ZDHHC21: variants seen among roughly 807,000 people sequenced by gnomAD.
ZDHHC21 encodes zDHHC palmitoyltransferase 21, also known as palmitoyltransferase ZDHHC21.
Under a neutral mutation model 34.6 loss-of-function variants are expected in ZDHHC21, and 15 were observed. That is an observed-to-expected ratio of 0.43 (90% confidence interval 0.29 to 0.67). The LOEUF (loss-of-function observed/expected upper bound fraction) is 0.67. Ranked by LOEUF, ZDHHC21 falls within the 30% of genes least tolerant of loss-of-function variation. ZDHHC21 has a pLI of 0.14. For missense variants in ZDHHC21, 344 were observed against 327.7 expected (o/e 1.05, Z -0.38); for synonymous variants, 142 against 101.8 (o/e 1.40, Z -2.38).
At chr9:14,629,691 T>C (rs1826979476) in intron 8 of ZDHHC21, among the ~76,000 whole-genome samples, 1 of 151,934 alleles carries the variant, frequency 6.6e-6, no homozygotes, top group East Asian at 1.9e-4. Context: ...TGGTAGGGGG[T>C]CTTACCTCCA....
chr9:14,593,324 A>C, the ZDHHC21 span, among the ~76,000 whole-genome samples: 1 of 152,238 alleles, frequency 6.6e-6, no homozygotes, highest in Non-Finnish European at 1.5e-5. Flanking sequence ...CACTACTGAC[A>C]CTACAAAAAT....
chr9:14,596,763 T>C, the ZDHHC21 span, among the ~76,000 whole-genome samples: 19 of 152,192 alleles, frequency 1.2e-4, no homozygotes, highest in South Asian at 3.1e-3. Context: ...GAATTCCTAA[T>C]AGAATAAATT....
downstream of ZDHHC21, among the ~76,000 whole-genome samples, chr9:14,607,358 T>C (rs1431516777): frequency 6.6e-6 from 1 of 152,100 alleles, no homozygotes; most frequent in African/African-American, 2.4e-5. Context: ...GAGCTGAGAT[T>C]GTGCCACTGC....
At chr9:14,673,970 T>C (rs1338836095) in intron 4 of ZDHHC21, among the ~76,000 whole-genome samples, 1 of 152,062 alleles carries the variant, frequency 6.6e-6, no homozygotes, top group African/African-American at 2.4e-5. Flanking sequence ...CTTCATGCAC[T>C]TTGCAGTTAA....
At chr9:14,609,958 C>T (rs534651043), downstream of ZDHHC21, among the ~76,000 whole-genome samples, 1 of 152,134 alleles carries the variant, frequency 6.6e-6, no homozygotes, top group African/African-American at 2.4e-5. Context: ...TAATGCGAAG[C>T]AGTATGAGAT....
intron 4 of ZDHHC21, among the ~76,000 whole-genome samples, chr9:14,673,293 C>G (rs1004673114): frequency 6.6e-6 from 1 of 151,930 alleles, no homozygotes; most frequent in African/African-American, 2.4e-5. Flanking sequence ...ATTTTAAATT[C>G]TACAACTAAA....
Position 14,674,373 on chromosome 9 carries a change from A to G in ZDHHC21, c.-33T>C, listed in dbSNP as rs1835985014. ...TCTTATAACTGCCTGCTAACCCACA[A>G]GGAAGGATGATCCTAAGGAGAAGGA... On this transcript the variant is annotated 5_prime_UTR_variant, in exon 4 of 10. Coordinates refer to ENST00000380916, the MANE Select transcript of ZDHHC21 (RefSeq NM_178566.6). 2 of 1,568,772 alleles carry G rather than the reference A, an allele frequency of 1.3e-6. No individual in the cohort carries two copies. The highest frequency in any genetic ancestry group is 2.8e-5 in the African/African-American group (2 of 71,988).
At chr9:14,635,113 T>G (rs1828033908) in intron 8 of ZDHHC21, among the ~76,000 whole-genome samples, 1 of 152,276 alleles carries the variant, frequency 6.6e-6, no homozygotes, top group African/African-American at 2.4e-5. Context: ...CAGGTATTTT[T>G]AAATAACCCA....
chr9:14,596,894 T>C, the ZDHHC21 span, among the ~76,000 whole-genome samples: 2 of 152,076 alleles, frequency 1.3e-5, no homozygotes, highest in African/African-American at 4.8e-5. Context: ...AGCAGGGCAG[T>C]GTCAGAGAAC....
intron 8 of ZDHHC21, among the ~76,000 whole-genome samples, chr9:14,620,243 C>A (rs957143041): frequency 1.3e-5 from 2 of 151,788 alleles, no homozygotes; most frequent in Admixed American, 6.6e-5. Context: ...TTTGATAATA[C>A]AATTCCCTAA....
chr9:14,687,675 T>C (rs1318128360), intron 2 of ZDHHC21, among the ~76,000 whole-genome samples: 1 of 150,636 alleles, frequency 6.6e-6, no homozygotes, highest in Non-Finnish European at 1.5e-5. Context: ...AGTAAGGCCC[T>C]GTCTCAAAAC....
chr9:14,598,359 G>C, the ZDHHC21 span, among the ~76,000 whole-genome samples: 6 of 152,106 alleles, frequency 3.9e-5, no homozygotes, highest in Admixed American at 2.0e-4. Flanking sequence ...TACACCCATA[G>C]AAATAATACG....
At position 14,612,213 on chromosome 9, in the gene ZDHHC21, TC is replaced by T. The variant is rs1199728786; in HGVS notation, c.*6752del. Reference sequence around the variant, plus strand: ...ATTTCACATAAATTTCAGACTTGATTCTTTTTTTCCATTCAGAATTGACTGC... The same window carrying T: ...ATTTCACATAAATTTCAGACTTGATTTTTTTTTCCATTCAGAATTGACTGC... On this transcript the variant is annotated 3_prime_UTR_variant, in exon 10 of 10. Coordinates refer to ENST00000380916, the MANE Select transcript of ZDHHC21 (RefSeq NM_178566.6). The T allele has an allele frequency of 6.6e-6, 1 of 152,014 alleles. No homozygotes were observed. The highest frequency in any genetic ancestry group is 1.5e-5 in the Non-Finnish European group (1 of 67,930). The allele number at this position is 152,014 out of a possible 1,614,324, so 9.4% of individuals were successfully genotyped here.
intron 8 of ZDHHC21, among the ~76,000 whole-genome samples, chr9:14,628,592 G>A (rs1826730876): frequency 1.3e-5 from 2 of 152,102 alleles, no homozygotes; most frequent in Middle Eastern, 3.4e-3. Context: ...TAGGGAAAAA[G>A]TAAGACTGCA....
downstream of ZDHHC21, among the ~76,000 whole-genome samples, chr9:14,610,507 T>A (rs1227817071): frequency 1.3e-5 from 2 of 151,996 alleles, no homozygotes; most frequent in Non-Finnish European, 2.9e-5. Flanking sequence ...ATAAAATTTT[T>A]AAAAGAATTT....
chr9:14,650,034 C>A (rs750087792), intron 7 of ZDHHC21, among the ~76,000 whole-genome samples: 1 of 151,906 alleles, frequency 6.6e-6, no homozygotes, highest in Non-Finnish European at 1.5e-5. Context: ...ATGTTAAATG[C>A]TATTAATATT....
downstream of ZDHHC21, among the ~76,000 whole-genome samples, chr9:14,609,479 T>C (rs1823131683): frequency 6.6e-6 from 1 of 152,106 alleles, no homozygotes; most frequent in South Asian, 2.1e-4. Context: ...ACTGACAGTA[T>C]GTGGTTGCCA....
At chr9:14,627,320 C>A (rs1826447163) in intron 8 of ZDHHC21, among the ~76,000 whole-genome samples, 1 of 152,042 alleles carries the variant, frequency 6.6e-6, no homozygotes, top group South Asian at 2.1e-4. Context: ...ATGATTTCTC[C>A]TGTATTTATT....
intron 8 of ZDHHC21, among the ~76,000 whole-genome samples, chr9:14,639,291 T>C (rs1402048197): frequency 1.3e-5 from 2 of 152,140 alleles, no homozygotes; most frequent in South Asian, 2.1e-4. Flanking sequence ...CTCACTCATA[T>C]GGGAGAGCCA....
Sources: gnomAD v4.1 joint callset for allele counts (sites outside exome capture counted in the v4.1 genomes callset) on GRCh38, gnomAD v4.1.1 for gene constraint, MANE v1.5 for transcripts, NCBI Gene and HGNC (gene_info 2026-07-23, HGNC 2026-07-21) for gene names.